ACTR3C: variants seen among roughly 807,000 people sequenced by gnomAD.
ACTR3C encodes actin-related protein 3C.
Under a neutral mutation model 26.3 loss-of-function variants are expected in ACTR3C, and 18 were observed. The ratio of observed to expected loss-of-function variants is 0.68; its 90% CI spans 0.47 to 1.01. The LOEUF (loss-of-function observed/expected upper bound fraction) is 1.01, where lower values mean the gene tolerates loss of function less well. Ranked by LOEUF, ACTR3C falls within the 50% of genes least tolerant of loss-of-function variation. The probability of loss-of-function intolerance (pLI) is 0.00; values close to 1 mark genes in which losing one functional copy is unlikely to be tolerated. For synonymous variants in ACTR3C, 55 were observed against 94.5 expected (o/e 0.58, Z 2.42); for missense variants, 184 against 250.7 (o/e 0.73, Z 1.80).
At chr7:150,051,870 A>G in the ACTR3C span, among the ~76,000 whole-genome samples, 1 of 152,172 alleles carries the variant, frequency 6.6e-6, no homozygotes, top group Non-Finnish European at 1.5e-5. Flanking sequence ...AGGAATAACA[A>G]AAGTACATCC....
chr7:150,047,511 C>G, the ACTR3C span: 10 of 866,624 alleles, frequency 1.2e-5, no homozygotes, highest in African/African-American at 1.8e-4. Flanking sequence ...GGGAGGGCGC[C>G]TGATTCCCCC....
chr7:150,175,231 C>A, the ACTR3C span, among the ~76,000 whole-genome samples: 14 of 148,712 alleles, frequency 9.4e-5, no homozygotes, highest in African/African-American at 3.1e-4. Context: ...TAATAGATTT[C>A]TCTCTGGGGA....
chr7:150,032,775 G>A, the ACTR3C span, among the ~76,000 whole-genome samples: 1 of 152,100 alleles, frequency 6.6e-6, no homozygotes, highest in African/African-American at 2.4e-5. Flanking sequence ...AGAGGTAGTG[G>A]TTTGCTATAC....
chr7:150,051,417 C>T, the ACTR3C span, among the ~76,000 whole-genome samples: 4 of 149,118 alleles, frequency 2.7e-5, no homozygotes, highest in Admixed American at 1.4e-4. Context: ...GAAAAAGATA[C>T]CCCGAAGAGG....
At chr7:150,295,475 A>C in intron 1 of ACTR3C, 128 bp from the exon 2 acceptor site, 3 of 1,060,602 alleles carry the variant, frequency 2.8e-6, no homozygotes, top group Non-Finnish European at 4.2e-6. Flanking sequence ...TTACAGACAG[A>C]GGATGCCCAA....
At chr7:150,321,655 G>A (rs563633637) in intron 1 of ACTR3C, among the ~76,000 whole-genome samples, 2 of 152,146 alleles carry the variant, frequency 1.3e-5, no homozygotes, top group African/African-American at 2.4e-5. Context: ...CAGGAGAATC[G>A]CTTGAACTCA....
At chr7:150,039,683 G>C in the ACTR3C span, among the ~76,000 whole-genome samples, 80 of 130,562 alleles carry the variant, frequency 6.1e-4, no homozygotes, top group African/African-American at 2.0e-3. Context: ...ATCAACGATG[G>C]GGGGTCCTAA....
At chr7:149,895,387 T>C in the ACTR3C span, among the ~76,000 whole-genome samples, 2 of 152,184 alleles carry the variant, frequency 1.3e-5, no homozygotes, top group Non-Finnish European at 2.9e-5. Flanking sequence ...GTAGAGTACA[T>C]GTTATGTGCT....
the ACTR3C span, among the ~76,000 whole-genome samples, chr7:150,155,688 G>T: frequency 7.7e-5 from 11 of 143,374 alleles, no homozygotes; most frequent in African/African-American, 2.4e-4. Flanking sequence ...AGAGAGGGTG[G>T]ACACAATGCC....
chr7:150,035,543 C>T, the ACTR3C span, among the ~76,000 whole-genome samples: 1 of 116,690 alleles, frequency 8.6e-6, no homozygotes, highest in Non-Finnish European at 1.8e-5. Context: ...CCTCCCCCTC[C>T]TGCGATGGGG....
At chr7:150,185,141 G>C in the ACTR3C span, among the ~76,000 whole-genome samples, 4 of 152,008 alleles carry the variant, frequency 2.6e-5, no homozygotes, top group Non-Finnish European at 5.9e-5. Flanking sequence ...CCAAAAGATG[G>C]GGCTGGGGTT....
At chr7:150,122,783 G>T in the ACTR3C span, among the ~76,000 whole-genome samples, 2 of 151,802 alleles carry the variant, frequency 1.3e-5, no homozygotes, top group Non-Finnish European at 2.9e-5. Flanking sequence ...AAAGACACAT[G>T]CACACGTATA....
At chr7:150,207,977 T>G in the ACTR3C span, among the ~76,000 whole-genome samples, 2 of 152,056 alleles carry the variant, frequency 1.3e-5, no homozygotes, top group Non-Finnish European at 2.9e-5. Context: ...CTAGTCAAAA[T>G]AGAGAAACAG....
the ACTR3C span, among the ~76,000 whole-genome samples, chr7:150,085,770 T>C: frequency 1.3e-5 from 2 of 152,164 alleles, no homozygotes; most frequent in African/African-American, 2.4e-5. Context: ...AAGAATTAGA[T>C]GGTTTGACCT....
At chr7:150,190,695 G>C in the ACTR3C span, among the ~76,000 whole-genome samples, 43 of 152,062 alleles carry the variant, frequency 2.8e-4, 1 homozygote, top group Non-Finnish European at 4.4e-5. Context: ...CTGTTTAATT[G>C]AACTGTATAT....
the ACTR3C span, among the ~76,000 whole-genome samples, chr7:150,112,129 G>A: frequency 1.3e-5 from 2 of 150,020 alleles, no homozygotes; most frequent in African/African-American, 4.9e-5. Context: ...CCACCCCGAC[G>A]TGCCATCGAC....
chr7:150,313,824 C>A (rs548148508), intron 1 of ACTR3C, among the ~76,000 whole-genome samples: 1 of 152,162 alleles, frequency 6.6e-6, no homozygotes, highest in Admixed American at 6.5e-5. Context: ...GCTCACTGAG[C>A]CTTCTTGGCA....
the ACTR3C span, among the ~76,000 whole-genome samples, chr7:150,018,953 G>A: frequency 6.7e-6 from 1 of 150,328 alleles, no homozygotes; most frequent in Non-Finnish European, 1.5e-5. Context: ...AAGTTTGAAA[G>A]TCGTAATATA....
chr7:149,945,076 G>C, the ACTR3C span, among the ~76,000 whole-genome samples: 92 of 151,954 alleles, frequency 6.1e-4, no homozygotes, highest in African/African-American at 2.1e-3. Context: ...GTTGCCTTAG[G>C]TCAGGTTCCC....
Sources: allele counts gnomAD v4.1 joint callset (sites outside exome capture counted in the v4.1 genomes callset), GRCh38; gene constraint gnomAD v4.1.1; transcripts MANE v1.5; gene names NCBI Gene and HGNC (gene_info 2026-07-23, HGNC 2026-07-21).